The following ANO2 variants were observed in gnomAD, a reference collection of about 807,000 sequenced individuals.
The protein encoded by ANO2 is anoctamin 2, also known as anoctamin-2.
In ANO2, 101 loss-of-function variants were observed where a neutral mutation model predicts 124.2. The observed-to-expected ratio is 0.81, with a 90% CI of 0.69 to 0.96. The LOEUF is 0.96. Among genes scored for constraint, ANO2 ranks in the 40% least tolerant of loss-of-function variants. The pLI, the probability that ANO2 is intolerant of heterozygous loss-of-function variation, is 0.00. For synonymous variants in ANO2, 486 were observed against 482.5 expected (o/e 1.01, Z -0.09); for missense variants, 1,293 against 1,274.5 (o/e 1.01, Z -0.22).
At chr12:5,709,854 T>C (rs1375461930) in intron 14 of ANO2, among the ~76,000 whole-genome samples, 2 of 152,160 alleles carry the variant, frequency 1.3e-5, no homozygotes, top group Non-Finnish European at 2.9e-5. Context: ...TAGATGAAAC[T>C]GCAAGAGGAA....
At chr12:5,615,120 C>T in intron 17 of ANO2, 66 bp downstream of exon 17, 1 of 1,332,104 alleles carries the variant, frequency 7.5e-7, no homozygotes, top group East Asian at 2.4e-5. Context: ...ACCCTATTGT[C>T]CTGACAGTAG....
chr12:5,944,507 A>G (rs1591823039), intron 1 of ANO2, among the ~76,000 whole-genome samples: 1 of 152,144 alleles, frequency 6.6e-6, no homozygotes, highest in African/African-American at 2.4e-5. Context: ...CAGAAACACA[A>G]CAGCCGACAA....
intron 4 of ANO2, among the ~76,000 whole-genome samples, chr12:5,839,216 T>A (rs1420301048): frequency 6.6e-6 from 1 of 151,868 alleles, no homozygotes; most frequent in Admixed American, 6.6e-5. Flanking sequence ...GAGCTCTAAG[T>A]CTGGGGAGAG....
chr12:5,697,817 C>A (rs185516940), intron 14 of ANO2, among the ~76,000 whole-genome samples: 21 of 152,346 alleles, frequency 1.4e-4, no homozygotes, highest in South Asian at 1.2e-3. Flanking sequence ...TATCCCGCAC[C>A]TGGCTCGGAG....
intron 16 of ANO2, among the ~76,000 whole-genome samples, chr12:5,625,652 A>G (rs1945360939): frequency 6.6e-6 from 1 of 152,152 alleles, no homozygotes; most frequent in African/African-American, 2.4e-5. Context: ...GGCCATTAGA[A>G]TATTGTTTGA....
rs12322819 is a variant in ANO2, at chr12:5,661,290, C to T, written c.1546-13489G>A. The stretch of plus-strand genomic sequence containing the variant: ...TTGGGTCCTTTTCTTTATGTTCTAG[C>T]CCACAGACTGGAGAACGGAACCTTA... On this transcript the variant is annotated intron_variant, in intron 14 of 24. Coordinates refer to ENST00000682330, the MANE Select transcript of ANO2 (RefSeq NM_001364791.2). Among the ~76,000 whole-genome samples, 5 of 152,170 alleles carry T rather than the reference C, an allele frequency of 3.3e-5. 1 individual carries two copies. The highest frequency in any genetic ancestry group is 6.5e-5 in the Admixed American group (1 of 15,270).
chr12:5,576,091 C>T (rs945546990), intron 22 of ANO2, 76 bp from the exon 23 acceptor site: 5 of 1,402,638 alleles, frequency 3.6e-6, no homozygotes, highest in African/African-American at 2.9e-5. Flanking sequence ...GGCTCCCCAT[C>T]AGAAGGAGCT....
intron 3 of ANO2, among the ~76,000 whole-genome samples, chr12:5,909,552 G>A (rs917556947): frequency 6.6e-6 from 1 of 152,166 alleles, no homozygotes; most frequent in Non-Finnish European, 1.5e-5. Context: ...CAAGGTCCTA[G>A]AACCCAGGTC....
chr12:5,660,145 T>C (rs934388353), intron 14 of ANO2, among the ~76,000 whole-genome samples: 1 of 152,132 alleles, frequency 6.6e-6, no homozygotes, highest in Non-Finnish European at 1.5e-5. Context: ...TAAATGCATT[T>C]TCTACTTTTA....
chr12:5,655,225 A>T (rs957150971), intron 14 of ANO2, among the ~76,000 whole-genome samples: 2 of 151,942 alleles, frequency 1.3e-5, no homozygotes, highest in African/African-American at 4.8e-5. Flanking sequence ...TTCACATCTG[A>T]CCTTTCTGTC....
At chr12:5,733,412 C>T (rs1389043085) in intron 13 of ANO2, among the ~76,000 whole-genome samples, 2 of 152,218 alleles carry the variant, frequency 1.3e-5, no homozygotes, top group African/African-American at 4.8e-5. Flanking sequence ...TAACTGTGTA[C>T]ACCTGGCCTC....
At chr12:5,659,850 G>A (rs1204822373) in intron 14 of ANO2, among the ~76,000 whole-genome samples, 2 of 152,116 alleles carry the variant, frequency 1.3e-5, no homozygotes, top group East Asian at 3.9e-4. Flanking sequence ...GTTCTGCTGT[G>A]TGCCCTGCCT....
At chr12:5,740,587 T>C (rs1951059333) in intron 12 of ANO2, 1 of 152,232 alleles carries the variant, frequency 6.6e-6, no homozygotes, top group Admixed American at 6.5e-5. Flanking sequence ...CATAAAGTGA[T>C]CAGGGCCTTA....
chr12:5,584,131 A>ACCCCCCC (rs35425375), intron 20 of ANO2: 15 of 132,910 alleles, frequency 1.1e-4, no homozygotes, highest in African/African-American at 3.1e-4. Context: ...TTTAATGAAC[A>ACCCCCCC]CCCCCCCCCC....
At chr12:5,845,090 G>C (rs1954641421) in intron 4 of ANO2, among the ~76,000 whole-genome samples, 1 of 151,804 alleles carries the variant, frequency 6.6e-6, no homozygotes, top group African/African-American at 2.4e-5. Context: ...TGGGCAACAT[G>C]GGGGAAACCC....
intron 3 of ANO2, among the ~76,000 whole-genome samples, chr12:5,883,273 G>A (rs1414821693): frequency 6.6e-6 from 1 of 152,156 alleles, no homozygotes; most frequent in East Asian, 1.9e-4. Flanking sequence ...CTGAGGTAGA[G>A]GACACATGTC....
chr12:5,708,477 T>C (rs1370742576), intron 14 of ANO2, among the ~76,000 whole-genome samples: 2 of 152,186 alleles, frequency 1.3e-5, no homozygotes, highest in Non-Finnish European at 2.9e-5. Context: ...CAACACTTCC[T>C]TCTACCATGA....
chr12:5,602,834 TCCA>T, intron 19 of ANO2, among the ~76,000 whole-genome samples: 1 of 152,190 alleles, frequency 6.6e-6, no homozygotes, highest in Non-Finnish European at 1.5e-5. Flanking sequence ...GTTACAATTC[TCCA>T]GATCAGCCCT....
intron 3 of ANO2, among the ~76,000 whole-genome samples, chr12:5,863,150 T>G (rs755517907): frequency 1.3e-5 from 2 of 152,106 alleles, no homozygotes; most frequent in Non-Finnish European, 2.9e-5. Flanking sequence ...ACCCAGTCTC[T>G]GGTATGTCTT....
Sources: allele counts gnomAD v4.1 joint callset (sites outside exome capture counted in the v4.1 genomes callset), GRCh38; gene constraint gnomAD v4.1.1; transcripts MANE v1.5; gene names NCBI Gene and HGNC (gene_info 2026-07-23, HGNC 2026-07-21).